The following RNF217 variants were observed in gnomAD, a reference collection of about 807,000 sequenced individuals.
RNF217 encodes the protein ring finger protein 217.
A neutral mutation model predicts 57.8 loss-of-function variants in RNF217; 31 were observed. The observed-to-expected ratio is 0.54, with a 90% CI of 0.40 to 0.72. RNF217 has a LOEUF of 0.72. RNF217 is among the 30% of genes least tolerant of loss of function. The probability of loss-of-function intolerance (pLI) is 0.00; values close to 1 mark genes in which losing one functional copy is unlikely to be tolerated. For missense variants in RNF217, 696 were observed against 708.3 expected, an observed-to-expected ratio of 0.98 and a Z score of 0.20; for synonymous variants, 313 against 294.0, an observed-to-expected ratio of 1.06 and a Z score of -0.66.
intron 1 of RNF217, among the ~76,000 whole-genome samples, chr6:125,015,553 T>TAATA (rs1415912142): frequency 1.3e-5 from 2 of 152,054 alleles, no homozygotes; most frequent in African/African-American, 4.8e-5. Flanking sequence ...GGTTATGATC[T>TAATA]AATAAACATA....
chr6:125,046,031 G>A (rs1042250079), intron 2 of RNF217, among the ~76,000 whole-genome samples: 1 of 152,076 alleles, frequency 6.6e-6, no homozygotes, highest in Non-Finnish European at 1.5e-5. Context: ...TGTACATATA[G>A]TGTGCTTTGA....
intron 5 of RNF217, among the ~76,000 whole-genome samples, chr6:125,081,822 T>G (rs572346275): frequency 1.3e-5 from 2 of 152,174 alleles, no homozygotes; most frequent in East Asian, 3.9e-4. Flanking sequence ...AACCCAAATT[T>G]TCTAATTCTG....
At chr6:125,033,429 G>C (rs1786451070) in intron 1 of RNF217, among the ~76,000 whole-genome samples, 1 of 133,936 alleles carries the variant, frequency 7.5e-6, no homozygotes, top group Non-Finnish European at 1.6e-5. Flanking sequence ...CCATCTATGA[G>C]TGAGAACATG....
At chr6:125,082,063 G>A (rs182796221) in intron 5 of RNF217, among the ~76,000 whole-genome samples, 5 of 152,236 alleles carry the variant, frequency 3.3e-5, no homozygotes, top group African/African-American at 1.2e-4. Context: ...ACTCTAGCAT[G>A]CTTTAGAATA....
intron 2 of RNF217, 49 bp downstream of exon 2, chr6:125,045,493 A>G (rs1199259426): frequency 2.8e-6 from 4 of 1,413,774 alleles, no homozygotes; most frequent in Non-Finnish European, 3.9e-6. Context: ...TGGCAGAAGC[A>G]GCCAGATTAG....
intron 1 of RNF217, among the ~76,000 whole-genome samples, chr6:124,995,764 T>C (rs1231941594): frequency 1.3e-5 from 2 of 151,760 alleles, no homozygotes; most frequent in African/African-American, 2.4e-5. Flanking sequence ...TCTACTAAAA[T>C]TACAAAAATT....
chr6:125,018,377 T>G (rs967336788), intron 1 of RNF217, among the ~76,000 whole-genome samples: 2 of 152,184 alleles, frequency 1.3e-5, no homozygotes, highest in African/African-American at 2.4e-5. Context: ...GAATTTGGCT[T>G]TAGTTTTGCA....
intron 3 of RNF217, among the ~76,000 whole-genome samples, chr6:125,075,498 A>T (rs959227667): frequency 6.6e-6 from 1 of 152,080 alleles, no homozygotes; most frequent in Admixed American, 6.6e-5. Flanking sequence ...CAAGCAGGGG[A>T]AATGCCAGAC....
intron 1 of RNF217, among the ~76,000 whole-genome samples, chr6:125,042,863 G>C (rs1490879566): frequency 1.3e-5 from 2 of 151,998 alleles, no homozygotes; most frequent in Non-Finnish European, 2.9e-5. Context: ...GGTGAAGAAG[G>C]CTGGATTCAA....
chr6:124,976,695 G>A lies in RNF217; in HGVS notation c.882+13269G>A, dbSNP rs72613291. Among the ~76,000 whole-genome samples, 794 of 151,598 alleles carry A rather than the reference G, an allele frequency of 5.2e-3. 21 individuals carry two copies. The highest frequency in any genetic ancestry group is 0.037 in the Admixed American group (564 of 15,216). On this transcript the variant is annotated intron_variant, in intron 1 of 5. Transcript: ENST00000521654. ...TTTGTGTGTGCTTTTTCTAGAGATG[G>A]GGTTTCACCATGTTGACCAGGCTGG... is the stretch of plus-strand genomic sequence containing the variant.
chr6:124,995,970 G>T (rs981376963), intron 1 of RNF217, among the ~76,000 whole-genome samples: 12 of 149,304 alleles, frequency 8.0e-5, no homozygotes, highest in Non-Finnish European at 1.6e-4. Flanking sequence ...ATATTTCTGG[G>T]TTTTTTTTTT....
intron 1 of RNF217, among the ~76,000 whole-genome samples, chr6:124,985,040 T>C (rs1259270757): frequency 2.6e-5 from 4 of 152,170 alleles, no homozygotes; most frequent in Admixed American, 6.5e-5. Flanking sequence ...AATAAATGTA[T>C]ACAAAAAAGC....
At chr6:125,070,639 C>G (rs1434175653) in intron 3 of RNF217, among the ~76,000 whole-genome samples, 1 of 152,050 alleles carries the variant, frequency 6.6e-6, no homozygotes, top group Non-Finnish European at 1.5e-5. Context: ...CTGTTGGTAT[C>G]TCTTCTTTTG....
rs116624634 is a variant in RNF217, at chr6:124,977,813, C to A, written c.882+14387C>A. On this transcript the variant is annotated intron_variant, in intron 1 of 5. Transcript: ENST00000521654. ...ATTACTGTTAATCTCATCACCTCTT[C>A]TGAAAAAACAAATTGAAGCACATGT... is the stretch of plus-strand genomic sequence containing the variant. Among the ~76,000 whole-genome samples the A allele has an allele frequency of 4.2e-3, 645 of 152,246 alleles. 7 individuals are homozygous for A. Among genetic ancestry groups the A allele is most frequent in the African/African-American group, 0.015 (617 of 41,566 alleles).
chr6:125,010,158 A>G (rs975977995), intron 1 of RNF217, among the ~76,000 whole-genome samples: 2 of 152,006 alleles, frequency 1.3e-5, no homozygotes, highest in Non-Finnish European at 2.9e-5. Context: ...GTTTTCTTAC[A>G]TTATGCTCGT....
Position 124,963,198 on chromosome 6 carries a change from C to T in RNF217, c.654C>T (p.Pro218=), listed in dbSNP as rs1295003039. ...CCCTCCCAACGGATTCCCTCTCCCC[C>T]GACGGCGGCAGCATCGAGCTGGAGT... The part of the protein sequence containing the change: ...RLSLPTDSLS[P]DGGSIELEFY... The change falls in exon 1 of 6, where the codon CCC becomes CCT. Residue 218 remains proline, a synonymous_variant. Coordinates refer to ENST00000521654, the MANE Select transcript of RNF217 (RefSeq NM_001286398.3). 1 of 1,536,094 alleles carries T rather than the reference C, an allele frequency of 6.5e-7. No individual in the cohort carries two copies. Among genetic ancestry groups the T allele is most frequent in the Non-Finnish European group, 8.7e-7 (1 of 1,146,900 alleles).
rs867710147 is a variant in RNF217 at position 125,026,944 on chromosome 6, G to A, written c.883-18267G>A. 3.3e-5 allele frequency among the ~76,000 whole-genome samples: 5 copies of A among 151,922 alleles called. No individual in the cohort carries two copies. In the South Asian group the frequency reaches 1.0e-3, roughly 32 times the overall value. On this transcript the variant is annotated intron_variant, in intron 1 of 5. Transcript: ENST00000521654. ...TAAATATTAATATTAATATATTAATGTTTATTATATTTGTTGAATGAACAT... is the reference window on the plus strand; with the variant it reads ...TAAATATTAATATTAATATATTAATATTTATTATATTTGTTGAATGAACAT...
At chr6:124,983,219 G>A (rs1784242086) in intron 1 of RNF217, 1 of 204,876 alleles carries the variant, frequency 4.9e-6, no homozygotes, top group East Asian at 1.8e-4. Context: ...CATTTATTAA[G>A]TCTTTGGACC....
chr6:125,011,830 G>A (rs11154282), intron 1 of RNF217, among the ~76,000 whole-genome samples: 40,806 of 151,292 alleles, frequency 0.27, 6,758 homozygotes, highest in South Asian at 0.43. Flanking sequence ...ACTTTGATCA[G>A]CTGTGATGTT....
Sources: allele counts gnomAD v4.1 joint callset (sites outside exome capture counted in the v4.1 genomes callset), GRCh38; gene constraint gnomAD v4.1.1; transcripts MANE v1.5; gene names NCBI Gene and HGNC (gene_info 2026-07-23, HGNC 2026-07-21).